AR: variants seen among roughly 807,000 people sequenced by gnomAD.
AR encodes the protein dihydrotestosterone receptor.
A neutral mutation model predicts 53.9 loss-of-function variants in AR; 8 were observed. That is an observed-to-expected ratio of 0.15 (90% CI 0.09 to 0.27). The LOEUF (loss-of-function observed/expected upper bound fraction) is 0.27. Among genes scored for constraint, AR ranks in the 10% least tolerant of loss-of-function variants. The pLI is 1.00. For missense variants in AR, 639 were observed against 742.5 expected (o/e 0.86, Z 1.62); for synonymous variants, 359 against 316.4 (o/e 1.13, Z -1.43).
intron 1 of AR, among the ~76,000 whole-genome samples, chrX:67,639,788 T>C (rs1390557835): frequency 9.0e-6 from 1 of 111,663 alleles, no homozygotes; most frequent in East Asian, 2.8e-4. Flanking sequence ...ACTTCCTGTT[T>C]TCCTATTTGA....
chrX:67,723,083 C>T (rs2076143040), intron 7 of AR, 99 bp downstream of exon 7: 4 of 1,018,696 alleles, frequency 3.9e-6, no homozygotes, highest in Admixed American at 4.6e-5. Flanking sequence ...TTGGGAGGTG[C>T]TTCCATTCCC....
At chrX:67,569,763 CTG>C (rs1160633850) in intron 1 of AR, among the ~76,000 whole-genome samples, 2 of 111,140 alleles carry the variant, frequency 1.8e-5, no homozygotes, top group Non-Finnish European at 3.8e-5. Flanking sequence ...ATTTCTATGT[CTG>C]TTTTCATCTT....
At chrX:67,638,258 A>G (rs1221428436) in intron 1 of AR, among the ~76,000 whole-genome samples, 1 of 111,773 alleles carries the variant, frequency 8.9e-6, no homozygotes, top group Non-Finnish European at 1.9e-5. Context: ...AGTCTTTGCT[A>G]TTGTGAATAG....
intron 1 of AR, among the ~76,000 whole-genome samples, chrX:67,604,506 C>T (rs1923535011): frequency 9.0e-6 from 1 of 111,008 alleles, no homozygotes; most frequent in Admixed American, 9.6e-5. Context: ...TTGTCACTTT[C>T]TCTAACCCTT....
intron 1 of AR, among the ~76,000 whole-genome samples, chrX:67,586,882 T>A (rs1299865544): frequency 1.8e-5 from 2 of 111,656 alleles, no homozygotes; most frequent in Non-Finnish European, 3.8e-5. Context: ...TTTCCTACTT[T>A]TTACCTTATT....
At chrX:67,721,434 A>T (rs1263514416) in intron 5 of AR, among the ~76,000 whole-genome samples, 1 of 111,834 alleles carries the variant, frequency 8.9e-6, no homozygotes, top group African/African-American at 3.3e-5. Flanking sequence ...AGCTGCCTGG[A>T]AGGCAGGTTC....
At chrX:67,702,276 C>T (rs1042443519) in intron 3 of AR, among the ~76,000 whole-genome samples, 3 of 111,658 alleles carry the variant, frequency 2.7e-5, no homozygotes, top group East Asian at 2.8e-4. Context: ...TGGCAACTCC[C>T]GAGCTCAAAG....
At chrX:67,550,290 C>T (rs1350226079) in intron 1 of AR, among the ~76,000 whole-genome samples, 1 of 111,946 alleles carries the variant, frequency 8.9e-6, no homozygotes, top group African/African-American at 3.2e-5. Context: ...ATCAAGCTTC[C>T]ATTCTTTGAG....
chrX:67,580,077 C>T (rs1217446969), intron 1 of AR, among the ~76,000 whole-genome samples: 1 of 109,095 alleles, frequency 9.2e-6, no homozygotes, highest in Non-Finnish European at 1.9e-5. Context: ...AGTTCTCATG[C>T]GTATTTGTCA....
intron 1 of AR, among the ~76,000 whole-genome samples, chrX:67,585,549 C>T (rs182616028): frequency 2.4e-3 from 267 of 112,083 alleles, no homozygotes; most frequent in African/African-American, 8.3e-3. Context: ...AAGGCATATA[C>T]CTGAAGTGAG....
At chrX:67,634,768 A>G (rs1925342327) in intron 1 of AR, among the ~76,000 whole-genome samples, 1 of 111,731 alleles carries the variant, frequency 9.0e-6, no homozygotes, top group South Asian at 3.7e-4. Flanking sequence ...AAGTAAGCAC[A>G]ATAGATCTAT....
At chrX:67,677,951 C>T (rs186784574) in intron 2 of AR, among the ~76,000 whole-genome samples, 23 of 111,651 alleles carry the variant, frequency 2.1e-4, no homozygotes, top group African/African-American at 5.5e-4. Flanking sequence ...TCTGTTATCT[C>T]ATGTGAGAAA....
intron 1 of AR, among the ~76,000 whole-genome samples, chrX:67,588,765 A>G (rs1450722784): frequency 9.0e-6 from 1 of 111,601 alleles, no homozygotes; most frequent in African/African-American, 3.3e-5. Flanking sequence ...TTCTTTCCCC[A>G]TTGCCATCTG....
In AR at chrX:67,546,271, G is replaced by C. The variant is rs745883223; in HGVS notation, c.1125G>C (p.Pro375=). The C allele has an allele frequency of 1.2e-5, 14 of 1,202,979 alleles. No individual in the cohort carries two copies. The Admixed American group carries it at 2.9e-4, about 25-fold the overall frequency. ...TTCCACTGGCTCTGGCCGGACCGCCGCCCCCTCCGCCGCCTCCCCATCCCC... is the reference window on the plus strand; with the variant it reads ...TTCCACTGGCTCTGGCCGGACCGCCCCCCCCTCCGCCGCCTCCCCATCCCC... ...YNFPLALAGP[P]PPPPPPHPHA... The change falls in exon 1 of 8, where the codon CCG becomes CCC. Residue 375 remains proline, a synonymous_variant. Transcript: ENST00000374690.
At chrX:67,678,389 G>A (rs997192304) in intron 2 of AR, among the ~76,000 whole-genome samples, 2 of 112,141 alleles carry the variant, frequency 1.8e-5, no homozygotes, top group African/African-American at 3.2e-5. Context: ...AGATCATGCA[G>A]TCAGTATTTG....
At chrX:67,663,699 G>C (rs1321331464) in intron 2 of AR, among the ~76,000 whole-genome samples, 1 of 112,009 alleles carries the variant, frequency 8.9e-6, no homozygotes, top group Non-Finnish European at 1.9e-5. Flanking sequence ...AAGTTGTCCT[G>C]GATAATATCC....
chrX:67,689,320 C>T (rs1328489551), intron 3 of AR, among the ~76,000 whole-genome samples: 4 of 110,991 alleles, frequency 3.6e-5, no homozygotes, highest in Non-Finnish European at 7.5e-5. Flanking sequence ...GTAGACTAGA[C>T]AGATTATTCA....
intron 3 of AR, among the ~76,000 whole-genome samples, chrX:67,705,639 C>T (rs1246476329): frequency 2.7e-5 from 3 of 111,390 alleles, no homozygotes; most frequent in African/African-American, 9.8e-5. Flanking sequence ...CCCTTTATTT[C>T]TTTCTGCTGC....
intron 7 of AR, among the ~76,000 whole-genome samples, chrX:67,723,312 CTGTGTGTGTGTGTGTG>C (rs796606484): frequency 1.3e-5 from 1 of 78,008 alleles, no homozygotes; most frequent in East Asian, 4.3e-4. Flanking sequence ...GTTTGTCTGT[CTGTGTGTGTGTGTGTG>C]TGTGTGTGTG....
Sources: allele counts gnomAD v4.1 joint callset (sites outside exome capture counted in the v4.1 genomes callset), GRCh38; gene constraint gnomAD v4.1.1; transcripts MANE v1.5; gene names NCBI Gene and HGNC (gene_info 2026-07-23, HGNC 2026-07-21).